The following AGBL3 variants were observed in gnomAD, a reference collection of about 807,000 sequenced individuals.
AGBL3 encodes cytosolic carboxypeptidase 3.
AGBL3 carries 68 observed loss-of-function variants against 94.5 expected under a neutral mutation model. The ratio of observed to expected loss-of-function variants is 0.72; its 90% CI spans 0.59 to 0.88. The LOEUF (loss-of-function observed/expected upper bound fraction) is 0.88. Ranked by LOEUF, AGBL3 falls within the 40% of genes least tolerant of loss-of-function variation. The pLI is 0.00. For missense variants in AGBL3, 934 were observed against 1,103.8 expected (o/e 0.85, Z 2.18); for synonymous variants, 354 against 370.7 (o/e 0.95, Z 0.52).
At chr7:134,999,797 G>A (rs1251517921) in intron 4 of AGBL3, among the ~76,000 whole-genome samples, 3 of 152,192 alleles carry the variant, frequency 2.0e-5, no homozygotes, top group Non-Finnish European at 2.9e-5. Context: ...TCACTGCAAG[G>A]ACAGCATATA....
chr7:135,004,896 A>T (rs988227557), intron 4 of AGBL3, among the ~76,000 whole-genome samples: 9 of 151,314 alleles, frequency 5.9e-5, no homozygotes, highest in South Asian at 2.1e-4. Context: ...AATAATATAA[A>T]TTTTTTTTAT....
At chr7:135,129,099 CAGGTCA>C (rs1206906951) in intron 16 of AGBL3, 2 of 1,584,746 alleles carry the variant, frequency 1.3e-6, no homozygotes, top group Non-Finnish European at 1.7e-6. Flanking sequence ...CACTACTGGT[CAGGTCA>C]AAGAGCTAGT....
At chr7:135,094,280 T>G (rs780575861) in intron 15 of AGBL3, 5 of 422,528 alleles carry the variant, frequency 1.2e-5, no homozygotes, top group Non-Finnish European at 2.4e-5. Context: ...ATCAGCAACT[T>G]ATTGGATCCA....
intron 16 of AGBL3, among the ~76,000 whole-genome samples, chr7:135,123,067 G>C (rs1478574066): frequency 6.6e-6 from 1 of 152,112 alleles, no homozygotes; most frequent in African/African-American, 2.4e-5. Context: ...ACAGAAGTAG[G>C]CTTCAGAAGA....
At position 135,099,539 on chromosome 7, in the gene AGBL3, A is replaced by ACG. The variant is rs1416024355; in HGVS notation, c.2111-15840_2111-15839dup. Reference sequence around the variant, plus strand: ...TCTCTTTTTTAGTGAAAATACCTGAACGAGCCCCTTCTTGGCTTCTAAAAA... The same window carrying ACG: ...TCTCTTTTTTAGTGAAAATACCTGAACGCGAGCCCCTTCTTGGCTTCTAAAAA... On this transcript the variant is annotated intron_variant, in intron 15 of 16. Transcript: ENST00000436302. Among the ~76,000 whole-genome samples, 9 of 152,312 alleles carry ACG rather than the reference A, an allele frequency of 5.9e-5. No individual in the cohort carries two copies. The East Asian group carries it at 1.7e-3, about 29-fold the overall frequency.
chr7:135,089,030 C>T (rs748950247), intron 15 of AGBL3, among the ~76,000 whole-genome samples: 2 of 151,660 alleles, frequency 1.3e-5, no homozygotes, highest in Admixed American at 1.3e-4. Context: ...TTAATGGTGT[C>T]CCATATGTCT....
chr7:135,053,313 A>C (rs1407139105), intron 11 of AGBL3, among the ~76,000 whole-genome samples: 1 of 152,138 alleles, frequency 6.6e-6, no homozygotes, highest in Admixed American at 6.6e-5. Flanking sequence ...TTGTTATAGA[A>C]AGGATTCAGC....
chr7:135,115,329 A>G (rs934961611), intron 15 of AGBL3, 51 bp from the exon 16 acceptor site: 5 of 1,209,792 alleles, frequency 4.1e-6, no homozygotes, highest in Non-Finnish European at 4.6e-6. Context: ...CCAATAAGTA[A>G]TTGTGAATAG....
chr7:134,999,685 T>A (rs552626428), intron 4 of AGBL3, among the ~76,000 whole-genome samples: 54 of 152,248 alleles, frequency 3.5e-4, no homozygotes, highest in Non-Finnish European at 5.1e-4. Flanking sequence ...TCTAATAGAC[T>A]AGTTTTTCAT....
At chr7:135,132,359 T>C (rs951720618) in intron 16 of AGBL3, among the ~76,000 whole-genome samples, 8 of 152,226 alleles carry the variant, frequency 5.3e-5, no homozygotes, top group African/African-American at 1.9e-4. Context: ...GTTAGTTTAA[T>C]ATTCAAAAAG....
chr7:134,993,279 A>T (rs149684864), intron 3 of AGBL3, among the ~76,000 whole-genome samples: 136 of 152,382 alleles, frequency 8.9e-4, no homozygotes, highest in African/African-American at 3.1e-3. Context: ...ATAAATTAAT[A>T]GTATAAAAGT....
At chr7:135,119,889 A>T (rs1174216416) in intron 16 of AGBL3, among the ~76,000 whole-genome samples, 1 of 152,230 alleles carries the variant, frequency 6.6e-6, no homozygotes, top group Non-Finnish European at 1.5e-5. Flanking sequence ...AAAATAAAAA[A>T]AGAAAAAGAA....
chr7:135,026,040 G>T (rs1253989025), intron 5 of AGBL3, among the ~76,000 whole-genome samples: 1 of 151,380 alleles, frequency 6.6e-6, no homozygotes, highest in Non-Finnish European at 1.5e-5. Context: ...AGAAATTCTA[G>T]ACTTAAACTG....
At chr7:135,019,803 C>T (rs966083961) in intron 5 of AGBL3, among the ~76,000 whole-genome samples, 3 of 152,128 alleles carry the variant, frequency 2.0e-5, no homozygotes, top group Non-Finnish European at 4.4e-5. Context: ...CTGACAAAAA[C>T]AAGAAATGGG....
intron 12 of AGBL3, among the ~76,000 whole-genome samples, chr7:135,061,308 G>A (rs1181854423): frequency 1.3e-5 from 2 of 151,986 alleles, no homozygotes; most frequent in Non-Finnish European, 2.9e-5. Context: ...TGTATGGTTT[G>A]CAAATATTTT....
chr7:134,993,448 T>C (rs1451005874), intron 3 of AGBL3, 45 bp from the exon 4 acceptor site: 6 of 1,451,916 alleles, frequency 4.1e-6, no homozygotes, highest in Admixed American at 2.5e-5. Context: ...GGAGTTGGTA[T>C]TTTTCTTCTT....
intron 16 of AGBL3, among the ~76,000 whole-genome samples, chr7:135,121,196 A>G (rs1827083126): frequency 1.3e-5 from 2 of 152,192 alleles, no homozygotes; most frequent in South Asian, 4.1e-4. Context: ...CAAAAACAAA[A>G]CTCCGTCTCA....
chr7:135,037,502 T>G lies in AGBL3; in HGVS notation c.1422T>G (p.Asp474Glu). Residue 474 changes from aspartate (D) to glutamate (E), a missense_variant, in exon 8 of 17, where the codon GAT becomes GAG. Transcript: ENST00000436302. ...AGAACATCTTCATGTATGGCTGTGA[T>G]GGTAGTGACAGATCTAAGACATTAT... ...RKENIFMYGC[D>E]GSDRSKTLYL... 6.5e-7 allele frequency: 1 copy of G among 1,549,834 alleles called. No homozygotes were observed. Among genetic ancestry groups the G allele is most frequent in the Admixed American group, 2.0e-5 (1 of 50,814 alleles).
At chr7:134,994,339 C>G (rs1200595574) in intron 4 of AGBL3, among the ~76,000 whole-genome samples, 2 of 151,840 alleles carry the variant, frequency 1.3e-5, no homozygotes, top group Non-Finnish European at 2.9e-5. Context: ...CTGCTTTTTC[C>G]TTTAATGGAT....
Sources: allele counts gnomAD v4.1 joint callset (sites outside exome capture counted in the v4.1 genomes callset), GRCh38; gene constraint gnomAD v4.1.1; transcripts MANE v1.5; gene names NCBI Gene and HGNC (gene_info 2026-07-23, HGNC 2026-07-21).